The following INTS10 variants were observed in gnomAD, a reference collection of about 807,000 sequenced individuals.
The protein encoded by INTS10 is integrator complex subunit 10, also known as chromosome 8 open reading frame 35.
INTS10 carries 44 observed loss-of-function variants against 94.4 expected under a neutral mutation model. That is an observed-to-expected ratio of 0.47 (90% CI 0.37 to 0.60). The LOEUF (loss-of-function observed/expected upper bound fraction) is 0.60, where lower values mean the gene tolerates loss of function less well. INTS10 is among the 20% of genes least tolerant of loss of function. The pLI is 0.00. For synonymous variants in INTS10, 341 were observed against 320.7 expected (o/e 1.06, Z -0.68); for missense variants, 797 against 868.7 (o/e 0.92, Z 1.04).
chr8:19,841,894 A>C (rs1214368701), intron 13 of INTS10: 1 of 453,992 alleles, frequency 2.2e-6, no homozygotes, highest in Non-Finnish European at 4.4e-6. Flanking sequence ...TTAAGACGAC[A>C]TCTCAGACAA....
At chr8:19,820,068 A>G (rs1209056053) in intron 3 of INTS10, among the ~76,000 whole-genome samples, 2 of 152,234 alleles carry the variant, frequency 1.3e-5, no homozygotes, top group African/African-American at 4.8e-5. Context: ...AAGTAGATGC[A>G]TAGGTCATTT....
intron 12 of INTS10, among the ~76,000 whole-genome samples, chr8:19,834,474 A>G (rs930619550): frequency 6.6e-6 from 1 of 152,228 alleles, no homozygotes; most frequent in African/African-American, 2.4e-5. Context: ...TAAGAACTTA[A>G]AAGGCAGCAC....
At chr8:19,835,984 G>T (rs2067628994) in intron 12 of INTS10, among the ~76,000 whole-genome samples, 1 of 152,082 alleles carries the variant, frequency 6.6e-6, no homozygotes, top group Non-Finnish European at 1.5e-5. Context: ...ATCACACACT[G>T]GGGCCTGTCA....
At chr8:19,830,737 A>G (rs2067164448) in intron 10 of INTS10, among the ~76,000 whole-genome samples, 178 bp downstream of exon 10, 1 of 151,966 alleles carries the variant, frequency 6.6e-6, no homozygotes, top group Non-Finnish European at 1.5e-5. Flanking sequence ...CAATGGTGTT[A>G]TCTTGGCTCA....
At chr8:19,848,106 G>A (rs901122247) in intron 16 of INTS10, among the ~76,000 whole-genome samples, 4 of 152,214 alleles carry the variant, frequency 2.6e-5, no homozygotes, top group Admixed American at 2.6e-4. Flanking sequence ...CACTGCTTAA[G>A]CCAGAGAGCT....
intron 2 of INTS10, chr8:19,818,758 A>G (rs543967307): frequency 4.5e-5 from 8 of 179,390 alleles, no homozygotes; most frequent in Admixed American, 3.4e-4. Flanking sequence ...TGAGAAGACC[A>G]TACTACCTTT....
At chr8:19,827,212 C>G (rs771573265) in intron 9 of INTS10, among the ~76,000 whole-genome samples, 1 of 152,150 alleles carries the variant, frequency 6.6e-6, no homozygotes, top group African/African-American at 2.4e-5. Context: ...GAGCCCGTCC[C>G]TGCCTCCCAG....
intron 4 of INTS10, 51 bp from the exon 5 acceptor site, chr8:19,822,388 T>C (rs1453488037): frequency 9.0e-7 from 1 of 1,115,762 alleles, no homozygotes. Context: ...CATATAGTTC[T>C]GACAACTTAT....
chr8:19,820,703 C>A (rs947874170), intron 4 of INTS10, among the ~76,000 whole-genome samples, 185 bp downstream of exon 4: 1 of 152,178 alleles, frequency 6.6e-6, no homozygotes, highest in African/African-American at 2.4e-5. Context: ...TTGTAAGTTT[C>A]CAGGAGAAGC....
chr8:19,834,153 A>G (rs1479912900), intron 12 of INTS10, among the ~76,000 whole-genome samples: 3 of 152,174 alleles, frequency 2.0e-5, no homozygotes, highest in Non-Finnish European at 4.4e-5. Flanking sequence ...CCACAGTACA[A>G]TAAGTGTTTG....
chr8:19,820,434 G>C lies in INTS10; in HGVS notation c.357G>C (p.Thr119=), dbSNP rs768330209. Residue 119 remains threonine, a synonymous_variant, in exon 4 of 17, where the codon ACG becomes ACC. Transcript: ENST00000397977. The part of the protein sequence containing the change: ...RVQCEMLLKV[T]EQCFNTLERS... ...AGTGTGAAATGTTACTAAAGGTCAC[G>C]GAACAATGCTTCAACACGTTAGAAC... The C allele has an allele frequency of 6.2e-7, 1 of 1,613,452 alleles. No individual in the cohort carries two copies. The highest frequency in any genetic ancestry group is 8.5e-7 in the Non-Finnish European group (1 of 1,179,466).
At chr8:19,844,301 G>A in intron 15 of INTS10, 63 bp downstream of exon 15, 2 of 1,164,708 alleles carry the variant, frequency 1.7e-6, no homozygotes, top group Non-Finnish European at 2.5e-6. Context: ...ATACATGATA[G>A]AAAAAGAATG....
Position 19,848,987 on chromosome 8 carries a change from G to A in INTS10, c.1977-2662G>A, listed in dbSNP as rs147151828. 431 of 285,356 alleles carry A rather than the reference G, an allele frequency of 1.5e-3. 3 individuals carry two copies. Among genetic ancestry groups the A allele is most frequent in the African/African-American group, 8.6e-3 (388 of 45,138 alleles). 17.7% of individuals were successfully genotyped at this position (285,356 alleles called of 1,614,324 possible). On this transcript the variant is annotated intron_variant, in intron 16 of 16. Coordinates refer to ENST00000397977, the MANE Select transcript of INTS10 (RefSeq NM_018142.4). ...GCAGCAGCGGGTGCAGTGAGGGCTG[G>A]CTAGCTTCTCCCCAGTCTCCTTAAA...
chr8:19,843,104 G>A lies in INTS10; in HGVS notation c.1719+177G>A, dbSNP rs767881058. ...CAAATCTATATTAAATAATGACTGC[G>A]CTAGGCAAAGAGAAGTAGGAAGTTC... is the stretch of plus-strand genomic sequence containing the variant. On this transcript the variant is annotated intron_variant, in intron 14 of 16. Coordinates refer to ENST00000397977, the MANE Select transcript of INTS10 (RefSeq NM_018142.4). The surrounding 1 kb of genome is among the most constrained non-coding windows in gnomAD (Gnocchi z 4.7). 1.3e-5 allele frequency among the ~76,000 whole-genome samples: 2 copies of A among 152,180 alleles called. No homozygotes were observed. Among genetic ancestry groups the A allele is most frequent in the East Asian group, 1.9e-4 (1 of 5,198 alleles).
At chr8:19,829,103 A>G (rs532241206) in intron 9 of INTS10, among the ~76,000 whole-genome samples, 5 of 152,260 alleles carry the variant, frequency 3.3e-5, no homozygotes, top group African/African-American at 4.8e-5. Context: ...GTAGTTGCAC[A>G]TATTTTTATT....
At position 19,849,249 on chromosome 8, in the gene INTS10, G is replaced by A; in HGVS notation, c.1977-2400G>A. 2 of 1,280,720 alleles carry A rather than the reference G, an allele frequency of 1.6e-6. No individual in the cohort carries two copies. The highest frequency in any genetic ancestry group is 2.0e-6 in the Non-Finnish European group (2 of 980,864). 79.3% of individuals were successfully genotyped at this position (1,280,720 alleles called of 1,614,324 possible). ...TACAGACTGCTGACAGGTACCAAGT[G>A]GAATCAACGCCCGCTCATAGTGTGC... On this transcript the variant is annotated intron_variant, in intron 16 of 16. Transcript: ENST00000397977. This position sits in a 1 kb window ranked among gnomAD's most constrained non-coding sequence, Gnocchi z 4.6.
At chr8:19,841,892 A>T (rs1279103680) in intron 13 of INTS10, 2 of 454,026 alleles carry the variant, frequency 4.4e-6, no homozygotes, top group Middle Eastern at 6.6e-4. Flanking sequence ...TTTTAAGACG[A>T]CATCTCAGAC....
chr8:19,832,510 C>T (rs1173697106), intron 11 of INTS10, among the ~76,000 whole-genome samples: 2 of 152,132 alleles, frequency 1.3e-5, no homozygotes, highest in Non-Finnish European at 2.9e-5. Context: ...GTCAAGACTG[C>T]ACTGAACCAT....
chr8:19,826,451 A>G lies in INTS10; in HGVS notation c.1032A>G (p.Pro344=), dbSNP rs749945280. 1.2e-6 allele frequency: 2 copies of G among 1,612,584 alleles called. No homozygotes were observed. Among genetic ancestry groups the G allele is most frequent in the South Asian group, 1.1e-5 (1 of 90,652 alleles). ...GTCCTAATGCCCCGAGCCAAGTTCC[A>G]CTGGTTCTTCTTGAAGATGTATCGA... is the stretch of plus-strand genomic sequence containing the variant. ...FQGPNAPSQV[P]LVLLEDVSNV... is the part of the protein sequence containing the mutation. Residue 344 remains proline (P), a synonymous_variant, in exon 9 of 17, where the codon CCA becomes CCG. Coordinates refer to ENST00000397977, the MANE Select transcript of INTS10 (RefSeq NM_018142.4).
Sources: gnomAD v4.1 joint callset for allele counts (sites outside exome capture counted in the v4.1 genomes callset) on GRCh38, gnomAD v4.1.1 for gene constraint, Gnocchi (gnomAD v3.1) non-coding constraint, MANE v1.5 for transcripts, NCBI Gene and HGNC (gene_info 2026-07-23, HGNC 2026-07-21) for gene names.